The following GCC2 variants were observed in gnomAD, a reference collection of about 807,000 sequenced individuals.
GCC2 encodes GRIP and coiled-coil domain-containing protein 2.
A neutral mutation model predicts 210.6 loss-of-function variants in GCC2; 120 were observed. That is an observed-to-expected ratio of 0.57 (90% CI 0.49 to 0.66). The LOEUF is 0.66. GCC2 is among the 30% of genes least tolerant of loss of function. The pLI is 0.00. For missense variants in GCC2, 1,868 were observed against 1,871.9 expected, an observed-to-expected ratio of 1.00 and a Z score of 0.04; for synonymous variants, 703 against 652.7, an observed-to-expected ratio of 1.08 and a Z score of -1.17.
At chr2:108,472,148 T>C in intron 6 of GCC2, 32 bp downstream of exon 6, 1 of 1,382,570 alleles carries the variant, frequency 7.2e-7, no homozygotes, top group Non-Finnish European at 9.7e-7. Flanking sequence ...TTGTTTCAAA[T>C]AAATTCTTAG....
intron 17 of GCC2, 80 bp downstream of exon 17, chr2:108,487,900 A>ATTTTT (rs1008834430): frequency 5.9e-5 from 38 of 648,026 alleles, no homozygotes; most frequent in South Asian, 3.8e-4. Context: ...TCCTATTATG[A>ATTTTT]TTTTTTTTTT....
intron 4 of GCC2, among the ~76,000 whole-genome samples, chr2:108,459,048 T>G (rs1438689464): frequency 1.3e-5 from 2 of 152,222 alleles, no homozygotes; most frequent in Non-Finnish European, 2.9e-5. Context: ...TGTAGGCGTT[T>G]ATTGCCATAA....
At chr2:108,475,937 T>C (rs1681492930) in intron 9 of GCC2, 87 bp downstream of exon 9, 5 of 690,346 alleles carry the variant, frequency 7.2e-6, no homozygotes, top group Non-Finnish European at 1.2e-5. Context: ...GTAAAACTAT[T>C]GTCAACAAAA....
In GCC2 at chr2:108,471,576, A is replaced by G; in HGVS notation, c.2247A>G (p.Gln749=). 3 of 1,609,306 alleles carry G rather than the reference A, an allele frequency of 1.9e-6. No homozygotes were observed. The highest frequency in any genetic ancestry group is 2.5e-6 in the Non-Finnish European group (3 of 1,178,526). Residue 749 remains glutamine (Q), a synonymous_variant, in exon 6 of 23, where the codon CAA becomes CAG. Transcript: ENST00000309863. ...TAAATAAACTGCTTGAAAATGAGCA[A>G]GTTCAGAAGTTATTTGTTAAAACTC... ...DNLNKLLENE[Q]VQKLFVKTQL... is the part of the protein sequence containing the mutation.
rs757230621 is a variant in GCC2 at position 108,509,394 on chromosome 2, CTG to C, written c.*1766_*1767del. The C allele has an allele frequency of 6.9e-4, 105 of 152,140 alleles. No individual in the cohort carries two copies. Among genetic ancestry groups the C allele is most frequent in the Non-Finnish European group, 1.3e-3 (89 of 68,030 alleles). 9.4% of individuals were successfully genotyped at this position (152,140 alleles called of 1,614,324 possible). A position where few individuals can be genotyped will look rare whatever the true frequency, so the allele number is the denominator to read the frequency against. On this transcript the variant is annotated 3_prime_UTR_variant, in exon 23 of 23. Transcript: ENST00000309863. ...TAATATTTCTATTAAATATGTTTAA[CTG>C]TATATTTTTATGGCTGCTCTTTTAT... is the stretch of plus-strand genomic sequence containing the variant.
intron 22 of GCC2, among the ~76,000 whole-genome samples, chr2:108,506,188 A>T (rs1233260558): frequency 6.6e-6 from 1 of 152,248 alleles, no homozygotes; most frequent in African/African-American, 2.4e-5. Context: ...ATTCATAGAA[A>T]CTTTCTTTAA....
chr2:108,490,236 T>G (rs1682345004), intron 18 of GCC2: 2 of 355,866 alleles, frequency 5.6e-6, no homozygotes, highest in Non-Finnish European at 1.0e-5. Flanking sequence ...GCTCATCCAG[T>G]ATTCTGTGTC....
intron 17 of GCC2, among the ~76,000 whole-genome samples, chr2:108,488,446 A>G (rs1209548056): frequency 6.6e-6 from 1 of 152,212 alleles, no homozygotes; most frequent in East Asian, 1.9e-4. Flanking sequence ...TTAAAATTAC[A>G]TTATGATTTG....
At chr2:108,483,312 C>G (rs1274619317) in intron 12 of GCC2, 146 bp downstream of exon 12, 1 of 538,946 alleles carries the variant, frequency 1.9e-6, no homozygotes, top group African/African-American at 2.0e-5. Flanking sequence ...CAACCTCCGC[C>G]TCCCGAGTTC....
At chr2:108,454,479 T>G (rs1362527981) in intron 4 of GCC2, among the ~76,000 whole-genome samples, 3 of 152,250 alleles carry the variant, frequency 2.0e-5, no homozygotes, top group Non-Finnish European at 4.4e-5. Flanking sequence ...TTTCATTTTA[T>G]AATGTACTGT....
At chr2:108,500,097 T>C (rs1036788976) in intron 22 of GCC2, among the ~76,000 whole-genome samples, 6 of 152,096 alleles carry the variant, frequency 3.9e-5, no homozygotes, top group African/African-American at 1.4e-4. Flanking sequence ...ATTAGCTTGT[T>C]CCTTTTCTAC....
chr2:108,459,905 T>C (rs1680475942), intron 4 of GCC2, among the ~76,000 whole-genome samples: 1 of 151,778 alleles, frequency 6.6e-6, no homozygotes, highest in Admixed American at 6.6e-5. Flanking sequence ...CAGGCTGGAG[T>C]GCAGTGGCGC....
chr2:108,465,592 G>C (rs188247416), intron 4 of GCC2, among the ~76,000 whole-genome samples: 205 of 152,228 alleles, frequency 1.3e-3, no homozygotes, highest in Non-Finnish European at 2.4e-3. Flanking sequence ...TTACAAGTGG[G>C]AATATATATG....
chr2:108,494,654 A>G (rs896759397), intron 19 of GCC2: 2 of 152,208 alleles, frequency 1.3e-5, no homozygotes, highest in African/African-American at 4.8e-5. Context: ...TTTGGCCAGT[A>G]TTTAGCAGTA....
At chr2:108,498,362 A>AT (rs1217588886) in intron 21 of GCC2, among the ~76,000 whole-genome samples, 1 of 150,812 alleles carries the variant, frequency 6.6e-6, no homozygotes, top group African/African-American at 2.4e-5. Context: ...TGCCCGGCTA[A>AT]TTTTTTTTAT....
chr2:108,498,185 T>A (rs1682740758), intron 21 of GCC2, among the ~76,000 whole-genome samples: 2 of 59,418 alleles, frequency 3.4e-5, no homozygotes, highest in Admixed American at 1.6e-4. Context: ...TATATTTTCT[T>A]TTTTTTTTTT....
intron 22 of GCC2, among the ~76,000 whole-genome samples, chr2:108,504,287 A>C (rs778893158): frequency 6.6e-6 from 1 of 152,118 alleles, no homozygotes; most frequent in Non-Finnish European, 1.5e-5. Context: ...TGTTGGCTGT[A>C]AGTTAATGAG....
At chr2:108,483,372 C>T (rs1015096461) in intron 12 of GCC2, among the ~76,000 whole-genome samples, 7 of 151,976 alleles carry the variant, frequency 4.6e-5, no homozygotes, top group South Asian at 2.1e-4. Context: ...TCCACGCATG[C>T]GTCACCACAC....
intron 4 of GCC2, among the ~76,000 whole-genome samples, chr2:108,464,973 A>G (rs1448497654): frequency 6.6e-6 from 1 of 152,174 alleles, no homozygotes; most frequent in East Asian, 1.9e-4. Context: ...GCACTGTGGG[A>G]AGAGGTGCCA....
Sources: allele counts gnomAD v4.1 joint callset (sites outside exome capture counted in the v4.1 genomes callset), GRCh38; gene constraint gnomAD v4.1.1; transcripts MANE v1.5; gene names NCBI Gene and HGNC (gene_info 2026-07-23, HGNC 2026-07-21).